ATM: variants seen among roughly 807,000 people sequenced by gnomAD.
ATM encodes ATM serine/threonine kinase, also known as serine-protein kinase ATM.
In ATM, 308 loss-of-function variants were observed where a neutral mutation model predicts 387.0. The observed-to-expected ratio is 0.80, with a 90% CI of 0.73 to 0.87. The LOEUF (loss-of-function observed/expected upper bound fraction) is 0.87. Among genes scored for constraint, ATM ranks in the 40% least tolerant of loss-of-function variants. The probability of loss-of-function intolerance (pLI) is 0.00; values close to 1 mark genes in which losing one functional copy is unlikely to be tolerated. For missense variants in ATM, 3,312 were observed against 3,560.9 expected (o/e 0.93, Z 1.78); for synonymous variants, 1,156 against 1,187.3 (o/e 0.97, Z 0.54).
At chr11:108,354,479 A>T (rs78864395) in intron 60 of ATM, among the ~76,000 whole-genome samples, 1,579 of 152,306 alleles carry the variant, frequency 0.01, 16 homozygotes, top group Non-Finnish European at 0.014. Context: ...TGTGTACTCA[A>T]CTTGGATTGG....
At chr11:108,288,025 T>G (rs904507172) in intron 27 of ATM, among the ~76,000 whole-genome samples, 6 of 152,106 alleles carry the variant, frequency 3.9e-5, no homozygotes, top group Non-Finnish European at 5.9e-5. Flanking sequence ...ATACACATTA[T>G]TCCTAGTTCT....
chr11:108,255,809 T>C (rs924372943), intron 13 of ATM, among the ~76,000 whole-genome samples: 2 of 152,210 alleles, frequency 1.3e-5, no homozygotes, highest in African/African-American at 4.8e-5. Context: ...AAGGTTCCTA[T>C]TCTTCAGAAG....
At chr11:108,245,433 C>A (rs1022494562) in intron 7 of ATM, among the ~76,000 whole-genome samples, 1 of 152,114 alleles carries the variant, frequency 6.6e-6, no homozygotes, top group Non-Finnish European at 1.5e-5. Flanking sequence ...TAAAACCAGT[C>A]AGATTATTCA....
chr11:108,252,305 A>C (rs2135347759), intron 11 of ATM, among the ~76,000 whole-genome samples: 1 of 152,230 alleles, frequency 6.6e-6, no homozygotes, highest in Non-Finnish European at 1.5e-5. Flanking sequence ...TTCCTTTCTG[A>C]TTTTTTAAAT....
intron 60 of ATM, 118 bp downstream of exon 60, chr11:108,353,998 T>G: frequency 9.7e-7 from 1 of 1,029,190 alleles, no homozygotes; most frequent in Non-Finnish European, 1.5e-6. Context: ...GGAGGATTGT[T>G]TGAGCCCAGG....
chr11:108,293,225 G>T (rs2135807433), intron 30 of ATM, 88 bp from the exon 31 acceptor site: 4 of 861,834 alleles, frequency 4.6e-6, no homozygotes, highest in Non-Finnish European at 7.0e-6. Context: ...TAGGTTAATA[G>T]ATTTTATCAT....
rs1234305333 is a variant in ATM at position 108,367,154 on chromosome 11, A to AT, written c.*1652dup. Reference sequence around the variant, plus strand: ...AGGCGTGTGCCAACACGCCCGGCTAATTTTTTGTATTTTTATTAGAGACGG... The same window carrying AT: ...AGGCGTGTGCCAACACGCCCGGCTAATTTTTTTGTATTTTTATTAGAGACGG... On this transcript the variant is annotated 3_prime_UTR_variant, in exon 63 of 63. Transcript: ENST00000675843. 2 of 177,610 alleles carry AT rather than the reference A, an allele frequency of 1.1e-5. No homozygotes were observed. The highest frequency in any genetic ancestry group is 4.7e-5 in the African/African-American group (2 of 42,162). The allele number at this position is 177,610 out of a possible 1,614,324, so 11.0% of individuals were successfully genotyped here. A position where few individuals can be genotyped will look rare whatever the true frequency, so the allele number is the denominator to read the frequency against.
At chr11:108,256,970 A>G (rs142523735) in intron 14 of ATM, among the ~76,000 whole-genome samples, 142 of 152,340 alleles carry the variant, frequency 9.3e-4, no homozygotes, top group Middle Eastern at 3.4e-3. Context: ...CAGTGCTGCA[A>G]TAAACATACG....
At chr11:108,254,150 T>A in intron 13 of ATM, 111 bp downstream of exon 13, 1 of 1,036,028 alleles carries the variant, frequency 9.7e-7, no homozygotes, top group Admixed American at 2.3e-5. Flanking sequence ...GAGGCTTCAT[T>A]TTAAAAGCAA....
At chr11:108,247,922 C>T (rs1223524400) in intron 8 of ATM, among the ~76,000 whole-genome samples, 1 of 151,958 alleles carries the variant, frequency 6.6e-6, no homozygotes, top group Non-Finnish European at 1.5e-5. Flanking sequence ...CCAAAAGAAA[C>T]CTCATCCCTT....
In ATM at chr11:108,249,005, T is replaced by C. The variant is rs34083085; in HGVS notation, c.1138T>C (p.Tyr380His). ...YTTTQRESSD[Y>H]SVPCKRKKIE... The stretch of plus-strand genomic sequence containing the variant: ...TACTACACAAAGAGAATCTAGTGAT[T>C]ACAGTGTCCCTTGCAAAAGGAAGAA... Residue 380 changes from tyrosine (Y) to histidine (H), a missense_variant, in exon 9 of 63, where the codon TAC (tyrosine) becomes CAC (histidine). Around this residue, in one of 4 missense-constraint regions of ATM, gnomAD observed 1,791 missense variants for 1,804.5 expected, o/e 0.99. Transcript: ENST00000675843. 6.2e-7 allele frequency: 1 copy of C among 1,613,388 alleles called. No homozygotes were observed.
chr11:108,331,334 A>C, intron 50 of ATM, 110 bp from the exon 51 acceptor site: 2 of 1,473,470 alleles, frequency 1.4e-6, no homozygotes, highest in South Asian at 2.8e-5. Flanking sequence ...AAGTTTTGTT[A>C]ACCACTTGTG....
chr11:108,341,883 G>C (rs752698198), intron 56 of ATM, among the ~76,000 whole-genome samples: 3 of 152,112 alleles, frequency 2.0e-5, no homozygotes, highest in Non-Finnish European at 2.9e-5. Flanking sequence ...ATATAAATCG[G>C]TACAGTCACT....
At chr11:108,228,960 G>C (rs1330077011) in intron 3 of ATM, among the ~76,000 whole-genome samples, 5 of 152,218 alleles carry the variant, frequency 3.3e-5, no homozygotes, top group African/African-American at 1.2e-4. Context: ...GAAAGTCATA[G>C]AAGATTAAGA....
rs780492801 is a variant in ATM, at chr11:108,354,897, CTT to C, written c.8850+25_8850+26del. The C allele has an allele frequency of 8.0e-5, 128 of 1,594,994 alleles. No individual in the cohort carries two copies. In the South Asian group the frequency reaches 1.0e-3, roughly 13 times the overall value. ...GAGGTAAAGTATTTTATAAGGAAGA[CTT>C]TATTTTTTTTCTTACCAGGTAGACT... On this transcript the variant is annotated intron_variant, in intron 61 of 62. Coordinates refer to ENST00000675843, the MANE Select transcript of ATM (RefSeq NM_000051.4).
At chr11:108,313,962 G>T (rs1308831653) in intron 40 of ATM, among the ~76,000 whole-genome samples, 2 of 151,984 alleles carry the variant, frequency 1.3e-5, no homozygotes, top group African/African-American at 4.8e-5. Context: ...TTACAACAAA[G>T]ATTTCAGTAA....
chr11:108,354,543 A>T (rs1311175975), intron 60 of ATM, among the ~76,000 whole-genome samples: 1 of 152,236 alleles, frequency 6.6e-6, no homozygotes, highest in Non-Finnish European at 1.5e-5. Context: ...AAAGACTGAG[A>T]GCTGAGCCCA....
intron 18 of ATM, 32 bp downstream of exon 18, chr11:108,268,641 T>G: frequency 2.5e-6 from 4 of 1,597,718 alleles, no homozygotes; most frequent in Non-Finnish European, 2.6e-6. Context: ...AGCTCTTGGA[T>G]TTTATCTGAT....
At chr11:108,275,557 G>C (rs2081896442) in intron 22 of ATM, among the ~76,000 whole-genome samples, 1 of 152,176 alleles carries the variant, frequency 6.6e-6, no homozygotes, top group South Asian at 2.1e-4. Context: ...GGCAGGCCTG[G>C]TGGTGACAAA....
Sources: allele counts gnomAD v4.1 joint callset (sites outside exome capture counted in the v4.1 genomes callset), GRCh38; gene constraint gnomAD v4.1.1; regional missense constraint gnomAD v4.1.1; transcripts MANE v1.5; gene names NCBI Gene and HGNC (gene_info 2026-07-23, HGNC 2026-07-21).